The following INPP5A variants were observed in gnomAD, a reference collection of about 807,000 sequenced individuals.
INPP5A encodes the protein 43 kDa inositol polyphosphate 5-phophatase.
Under a neutral mutation model 65.2 loss-of-function variants are expected in INPP5A, and 14 were observed. That is an observed-to-expected ratio of 0.21 (90% CI 0.14 to 0.34). INPP5A has a LOEUF of 0.34. Among genes scored for constraint, INPP5A ranks in the 10% least tolerant of loss-of-function variants. The pLI is 1.00. For missense variants in INPP5A, 431 were observed against 545.6 expected, an observed-to-expected ratio of 0.79 and a Z score of 2.09; for synonymous variants, 207 against 208.3, an observed-to-expected ratio of 0.99 and a Z score of 0.05.
Position 132,548,792 on chromosome 10 carries a change from CTT to C in INPP5A, c.75+10644_75+10645del, listed in dbSNP as rs71013535. ...CTTTGCATATCAGCAGTTTATCTGG[CTT>C]TTTTTTTTTTTTTTTTTTTTTTGAG... is the stretch of plus-strand genomic sequence containing the variant. On this transcript the variant is annotated intron_variant, in intron 1 of 15. Transcript: ENST00000368594. Among the ~76,000 whole-genome samples the C allele has an allele frequency of 9.1e-3, 722 of 79,268 alleles. 1 individual carries two copies. Among genetic ancestry groups the C allele is most frequent in the East Asian group, 0.028 (69 of 2,486 alleles). The allele number at this position is 79,268 out of a possible 152,430, so 52.0% of individuals were successfully genotyped here.
intron 1 of INPP5A, among the ~76,000 whole-genome samples, chr10:132,553,878 G>A (rs1363490930): frequency 7.7e-5 from 9 of 116,712 alleles, no homozygotes; most frequent in Admixed American, 2.8e-4. Flanking sequence ...TGGCATATTG[G>A]GTAGGATAGG....
chr10:132,626,210 C>T (rs1033965583), intron 2 of INPP5A, among the ~76,000 whole-genome samples: 1 of 152,252 alleles, frequency 6.6e-6, no homozygotes. Context: ...GGTCCTGGAT[C>T]CTGCTGTGTG....
At position 132,575,006 on chromosome 10, in the gene INPP5A, G is replaced by A. The variant is rs185954157; in HGVS notation, c.76-32909G>A. ...CTGCAGCCCACCTGACGATAGAAACGCAAAGCACACCTCAGCATATGGTCT... is the reference window on the plus strand; with the variant it reads ...CTGCAGCCCACCTGACGATAGAAACACAAAGCACACCTCAGCATATGGTCT... On this transcript the variant is annotated intron_variant, in intron 1 of 15. Coordinates refer to ENST00000368594, the MANE Select transcript of INPP5A (RefSeq NM_005539.5). This position sits in a 1 kb window ranked among gnomAD's most constrained non-coding sequence, Gnocchi z 5.4. 3.9e-5 allele frequency among the ~76,000 whole-genome samples: 6 copies of A among 152,236 alleles called. No homozygotes were observed. In the East Asian group the frequency reaches 5.8e-4, roughly 15 times the overall value.
chr10:132,605,737 G>A (rs2071841213), intron 1 of INPP5A, among the ~76,000 whole-genome samples: 1 of 152,090 alleles, frequency 6.6e-6, no homozygotes, highest in African/African-American at 2.4e-5. Flanking sequence ...CTAGTGTTGG[G>A]GTGTGTGCCA....
chr10:132,589,512 A>G (rs1212863446), intron 1 of INPP5A, among the ~76,000 whole-genome samples: 1 of 152,252 alleles, frequency 6.6e-6, no homozygotes, highest in Non-Finnish European at 1.5e-5. Flanking sequence ...CCCACTGGCC[A>G]CAGCCTCCAC....
intron 1 of INPP5A, among the ~76,000 whole-genome samples, chr10:132,582,113 A>G (rs1415084666): frequency 6.6e-6 from 1 of 152,132 alleles, no homozygotes; most frequent in Non-Finnish European, 1.5e-5. Context: ...TGATGAGATT[A>G]CAGGTATGAG....
intron 4 of INPP5A, among the ~76,000 whole-genome samples, chr10:132,667,031 G>C (rs1380692581): frequency 1.3e-5 from 2 of 152,216 alleles, no homozygotes; most frequent in Admixed American, 6.5e-5. Flanking sequence ...GGTCCTGCTG[G>C]ATGCCGCTTT....
At chr10:132,631,126 TCA>T in intron 2 of INPP5A, among the ~76,000 whole-genome samples, 1 of 152,226 alleles carries the variant, frequency 6.6e-6, no homozygotes, top group East Asian at 1.9e-4. Flanking sequence ...CAGCTCCAGA[TCA>T]CACAGGCTGG....
At chr10:132,563,990 C>T (rs981703283) in intron 1 of INPP5A, among the ~76,000 whole-genome samples, 7 of 152,106 alleles carry the variant, frequency 4.6e-5, no homozygotes, top group Admixed American at 1.3e-4. Context: ...GAGGCCCGGC[C>T]GCGGCTGTGG....
rs570734479 is a variant in INPP5A at position 132,727,728 on chromosome 10, A to C, written c.732+823A>C. Among the ~76,000 whole-genome samples, 4 of 148,852 alleles carry C rather than the reference A, an allele frequency of 2.7e-5. No homozygotes were observed. In the East Asian group the frequency reaches 8.3e-4, roughly 31 times the overall value. On this transcript the variant is annotated intron_variant, in intron 9 of 15. Coordinates refer to ENST00000368594, the MANE Select transcript of INPP5A (RefSeq NM_005539.5). The surrounding 1 kb of genome is among the most constrained non-coding windows in gnomAD (Gnocchi z 6.5). ...CTGGTGGCCCCTCCAGGTGCTGGGC[A>C]TGAGCTGACAGCCCACAGCGGGGCC...
intron 4 of INPP5A, among the ~76,000 whole-genome samples, chr10:132,665,101 G>A (rs1313246807): frequency 6.6e-6 from 1 of 152,214 alleles, no homozygotes; most frequent in Non-Finnish European, 1.5e-5. Context: ...GGCACCCCCA[G>A]ACTGAAGGAA....
chr10:132,557,130 G>C (rs539513448), intron 1 of INPP5A, among the ~76,000 whole-genome samples: 1 of 152,344 alleles, frequency 6.6e-6, no homozygotes, highest in South Asian at 2.1e-4. Context: ...CCTAAAGGCC[G>C]ACGGGCCCGG....
intron 3 of INPP5A, among the ~76,000 whole-genome samples, 163 bp downstream of exon 3, chr10:132,646,131 CGT>C (rs2072490985): frequency 6.6e-6 from 1 of 152,182 alleles, no homozygotes; most frequent in Non-Finnish European, 1.5e-5. Context: ...GTGGCCCAGA[CGT>C]GTGGCCACGA....
At chr10:132,633,835 C>T (rs540372701) in intron 2 of INPP5A, among the ~76,000 whole-genome samples, 14 of 152,320 alleles carry the variant, frequency 9.2e-5, no homozygotes, top group African/African-American at 3.4e-4. Flanking sequence ...GCACGTTCAG[C>T]AAACTTATTG....
At chr10:132,699,942 G>A (rs2134504653) in intron 6 of INPP5A, among the ~76,000 whole-genome samples, 1 of 152,322 alleles carries the variant, frequency 6.6e-6, no homozygotes, top group Non-Finnish European at 1.5e-5. Flanking sequence ...CCCTTTGAAG[G>A]GTGGGTGCCC....
chr10:132,594,421 G>A (rs1381879414), intron 1 of INPP5A, among the ~76,000 whole-genome samples: 3 of 152,186 alleles, frequency 2.0e-5, no homozygotes, highest in East Asian at 1.9e-4. Flanking sequence ...CATCTACACC[G>A]GCCAGTCCTG....
At position 132,698,476 on chromosome 10, in the gene INPP5A, G is replaced by A. The variant is rs1845381407; in HGVS notation, c.474+557G>A. Among the ~76,000 whole-genome samples the A allele has an allele frequency of 6.6e-6, 1 of 152,270 alleles. No individual in the cohort carries two copies. The highest frequency in any genetic ancestry group is 2.1e-4 in the South Asian group (1 of 4,832). ...TCACTGCCAGACACGGTGTTGATGA[G>A]AAATTGGTGTTTCCTTCTGGCGGCC... is the stretch of plus-strand genomic sequence containing the variant. On this transcript the variant is annotated intron_variant, in intron 6 of 15. Coordinates refer to ENST00000368594, the MANE Select transcript of INPP5A (RefSeq NM_005539.5). The surrounding 1 kb of genome is among the most constrained non-coding windows in gnomAD (Gnocchi z 5.5).
intron 9 of INPP5A, among the ~76,000 whole-genome samples, chr10:132,739,910 C>CG (rs1846244052): frequency 6.6e-6 from 1 of 152,176 alleles, no homozygotes; most frequent in Non-Finnish European, 1.5e-5. Flanking sequence ...CACTGACGTT[C>CG]GGGGGTGCCG....
Position 132,740,037 on chromosome 10 carries a change from G to A in INPP5A, c.733-9480G>A, listed in dbSNP as rs1006809666. 5.3e-5 allele frequency among the ~76,000 whole-genome samples: 8 copies of A among 152,334 alleles called. No homozygotes were observed. In the South Asian group the frequency reaches 8.3e-4, roughly 16 times the overall value. Reference sequence around the variant, plus strand: ...AAGACAGGACTTGCACGTTGGGGCCGCCTGTGAAGCGATTGGCTGGTTGTC... The same window carrying A: ...AAGACAGGACTTGCACGTTGGGGCCACCTGTGAAGCGATTGGCTGGTTGTC... On this transcript the variant is annotated intron_variant, in intron 9 of 15. Coordinates refer to ENST00000368594, the MANE Select transcript of INPP5A (RefSeq NM_005539.5).
Sources: gnomAD v4.1 joint callset for allele counts (sites outside exome capture counted in the v4.1 genomes callset) on GRCh38, gnomAD v4.1.1 for gene constraint, Gnocchi (gnomAD v3.1) non-coding constraint, MANE v1.5 for transcripts, NCBI Gene and HGNC (gene_info 2026-07-23, HGNC 2026-07-21) for gene names.